Variants in TENM2 observed in about 807,000 individuals in gnomAD.
TENM2 encodes teneurin-2.
Under a neutral mutation model 245.2 loss-of-function variants are expected in TENM2, and 52 were observed. The observed-to-expected ratio is 0.21, with a 90% CI of 0.17 to 0.27. The LOEUF (loss-of-function observed/expected upper bound fraction) is 0.27. Ranked by LOEUF, TENM2 falls within the 10% of genes least tolerant of loss-of-function variation. The pLI is 1.00. For missense variants in TENM2, 3,046 were observed against 3,666.8 expected, an observed-to-expected ratio of 0.83 and a Z score of 4.37; for synonymous variants, 1,363 against 1,438.9, an observed-to-expected ratio of 0.95 and a Z score of 1.19.
At chr5:167,454,107 C>T (rs1477502662) in intron 2 of TENM2, among the ~76,000 whole-genome samples, 3 of 152,020 alleles carry the variant, frequency 2.0e-5, no homozygotes, top group Non-Finnish European at 4.4e-5. Context: ...TATGGGGTCA[C>T]AGGAGATCAC....
At chr5:167,373,413 T>C (rs563668104) in intron 1 of TENM2, among the ~76,000 whole-genome samples, 2 of 152,322 alleles carry the variant, frequency 1.3e-5, no homozygotes, top group South Asian at 4.1e-4. Context: ...GTAATAGATA[T>C]ACGTAGAGTG....
At chr5:167,984,945 G>C (rs1783127289) in intron 4 of TENM2, among the ~76,000 whole-genome samples, 1 of 152,058 alleles carries the variant, frequency 6.6e-6, no homozygotes, top group African/African-American at 2.4e-5. Flanking sequence ...TTTCATATCG[G>C]AGAGTATATT....
the TENM2 span, among the ~76,000 whole-genome samples, chr5:167,221,988 G>A: frequency 2.1e-4 from 32 of 152,226 alleles, no homozygotes; most frequent in East Asian, 5.2e-3. Context: ...CATATTTAAG[G>A]AAAAATTTGC....
At chr5:168,034,757 G>A (rs896612148) in intron 5 of TENM2, among the ~76,000 whole-genome samples, 7 of 152,038 alleles carry the variant, frequency 4.6e-5, no homozygotes, top group Non-Finnish European at 1.0e-4. Flanking sequence ...GGATGACAGA[G>A]GGAGACCCTA....
chr5:167,243,214 G>A, the TENM2 span, among the ~76,000 whole-genome samples: 5 of 152,152 alleles, frequency 3.3e-5, no homozygotes, highest in Non-Finnish European at 7.4e-5. Flanking sequence ...GGAACATAAT[G>A]AAGAAAGGTA....
intron 2 of TENM2, among the ~76,000 whole-genome samples, chr5:167,553,456 C>G (rs1206537540): frequency 6.6e-6 from 1 of 152,222 alleles, no homozygotes; most frequent in Non-Finnish European, 1.5e-5. Context: ...AGGAAGTCAT[C>G]TACTCTCACA....
chr5:168,162,837 A>C, intron 13 of TENM2, 80 bp downstream of exon 15: 1 of 1,500,504 alleles, frequency 6.7e-7, no homozygotes, highest in Admixed American at 1.7e-5. Context: ...TTTTCTTCGG[A>C]AAGACCTCCC....
intron 5 of TENM2, among the ~76,000 whole-genome samples, chr5:168,012,383 T>C (rs930289245): frequency 6.6e-6 from 1 of 152,106 alleles, no homozygotes; most frequent in Non-Finnish European, 1.5e-5. Context: ...AGGCTCACAC[T>C]TGTAATCGCT....
chr5:168,199,057 A>G, exon 16 of TENM2: 5 of 1,613,766 alleles, frequency 3.1e-6, no homozygotes, highest in Non-Finnish European at 4.2e-6. Flanking sequence ...TCTCCTCCCC[A>G]CTGTCCACCT....
chr5:167,753,375 T>C (rs565257563), intron 2 of TENM2, among the ~76,000 whole-genome samples: 1 of 152,284 alleles, frequency 6.6e-6, no homozygotes, highest in South Asian at 2.1e-4. Context: ...GGTAAATCGA[T>C]TGAAATTGCC....
chr5:167,932,555 T>C (rs1010318030), intron 3 of TENM2, among the ~76,000 whole-genome samples: 1 of 152,044 alleles, frequency 6.6e-6, no homozygotes, highest in African/African-American at 2.4e-5. Context: ...AACATACATA[T>C]AATATACAAT....
At chr5:167,632,216 C>T (rs930375561) in intron 2 of TENM2, among the ~76,000 whole-genome samples, 2 of 152,114 alleles carry the variant, frequency 1.3e-5, no homozygotes, top group African/African-American at 2.4e-5. Flanking sequence ...TTGGGCTTGA[C>T]ATGGAAAGTC....
At chr5:167,195,923 A>G in the TENM2 span, among the ~76,000 whole-genome samples, 1 of 152,018 alleles carries the variant, frequency 6.6e-6, no homozygotes, top group African/African-American at 2.4e-5. Context: ...GTTTAAATAT[A>G]TTTGAAATCA....
intron 2 of TENM2, among the ~76,000 whole-genome samples, chr5:167,792,645 C>G (rs1433619329): frequency 6.6e-6 from 1 of 150,814 alleles, no homozygotes; most frequent in East Asian, 2.0e-4. Flanking sequence ...TAGTGTTTCA[C>G]ACAGTAGAAC....
intron 2 of TENM2, among the ~76,000 whole-genome samples, chr5:167,675,480 A>G (rs1411506384): frequency 6.6e-6 from 1 of 152,072 alleles, no homozygotes; most frequent in Non-Finnish European, 1.5e-5. Context: ...GTGTTCAACG[A>G]CTTGTTATTG....
chr5:167,062,441 A>G, the TENM2 span, among the ~76,000 whole-genome samples: 1 of 152,172 alleles, frequency 6.6e-6, no homozygotes, highest in Middle Eastern at 3.2e-3. Context: ...AACATAAAAA[A>G]GAACTCAGGT....
the TENM2 span, among the ~76,000 whole-genome samples, chr5:167,132,590 G>A: frequency 2.0e-4 from 30 of 152,106 alleles, no homozygotes; most frequent in Non-Finnish European, 3.8e-4. Flanking sequence ...TCAGGAAGGC[G>A]GAAGAAGTCC....
the TENM2 span, among the ~76,000 whole-genome samples, chr5:166,989,902 T>C: frequency 6.6e-6 from 1 of 151,086 alleles, no homozygotes; most frequent in Non-Finnish European, 1.5e-5. Flanking sequence ...ATCTCAAATA[T>C]GTTGGTCATG....
chr5:167,196,512 G>GTATATATATATGTGTGTGTATATATA, the TENM2 span, among the ~76,000 whole-genome samples: 4,709 of 144,212 alleles, frequency 0.033, 304 homozygotes, highest in African/African-American at 0.13. Flanking sequence ...ATATATATGT[G>GTATATATATATGTGTGTGTATATATA]TGTGTATATA....
Sources: allele counts gnomAD v4.1 joint callset (sites outside exome capture counted in the v4.1 genomes callset), GRCh38; gene constraint gnomAD v4.1.1; transcripts MANE v1.5; gene names NCBI Gene and HGNC (gene_info 2026-07-23, HGNC 2026-07-21).